TMED3: variants seen among roughly 807,000 people sequenced by gnomAD.
The protein encoded by TMED3 is transmembrane emp24 domain-containing protein 3.
In TMED3, 9 loss-of-function variants were observed where a neutral mutation model predicts 15.0. The ratio of observed to expected loss-of-function variants is 0.60; its 90% confidence interval spans 0.36 to 1.04. The LOEUF (loss-of-function observed/expected upper bound fraction) is 1.04. Among genes scored for constraint, TMED3 ranks in the 50% least tolerant of loss-of-function variants. The pLI, the probability that TMED3 is intolerant of heterozygous loss-of-function variation, is 0.01. For synonymous variants in TMED3, 117 were observed against 121.4 expected (o/e 0.96, Z 0.24); for missense variants, 267 against 278.9 (o/e 0.96, Z 0.30).
intron 2 of TMED3, among the ~76,000 whole-genome samples, chr15:79,393,730 A>C (rs889498200): frequency 6.6e-6 from 1 of 152,248 alleles, no homozygotes; most frequent in South Asian, 2.1e-4. Flanking sequence ...GGGTCTTACT[A>C]TGTTGCCCAG....
At chr15:79,412,981 G>A (rs1159099464) in exon 3 of TMED3, 2 of 152,060 alleles carry the variant, frequency 1.3e-5, no homozygotes, top group African/African-American at 4.8e-5. Flanking sequence ...AAATTTTCCA[G>A]AAATGAAGCC....
chr15:79,361,872 G>A (rs75830635), intron 2 of TMED3, among the ~76,000 whole-genome samples: 2 of 151,966 alleles, frequency 1.3e-5, no homozygotes, highest in African/African-American at 4.8e-5. Context: ...TAAAATAAAT[G>A]TAGAAAATTA....
intron 2 of TMED3, among the ~76,000 whole-genome samples, chr15:79,362,700 G>T (rs1893155398): frequency 6.6e-6 from 1 of 152,070 alleles, no homozygotes; most frequent in African/African-American, 2.4e-5. Context: ...CATGAGATCT[G>T]ATGGTTTTAT....
chr15:79,411,318 T>C (rs1193412708), intron 2 of TMED3: 4 of 675,362 alleles, frequency 5.9e-6, no homozygotes, highest in East Asian at 5.5e-5. Flanking sequence ...AACTAGAGAA[T>C]GCAAATGGAG....
intron 2 of TMED3, among the ~76,000 whole-genome samples, chr15:79,409,843 T>G (rs1267150582): frequency 1.3e-5 from 2 of 152,220 alleles, no homozygotes; most frequent in Non-Finnish European, 2.9e-5. Context: ...GCCATGTGAC[T>G]GTAGATTAAT....
intron 2 of TMED3, among the ~76,000 whole-genome samples, chr15:79,339,708 G>A (rs1458628786): frequency 6.6e-6 from 1 of 151,986 alleles, no homozygotes; most frequent in African/African-American, 2.4e-5. Flanking sequence ...GGTAGTAATG[G>A]TGGTGGCAAT....
At chr15:79,411,319 G>A (rs1335261013) in intron 2 of TMED3, 3 of 675,914 alleles carry the variant, frequency 4.4e-6, no homozygotes, top group Non-Finnish European at 8.1e-6. Flanking sequence ...ACTAGAGAAT[G>A]CAAATGGAGG....
chr15:79,385,694 C>T (rs539585164), intron 2 of TMED3, among the ~76,000 whole-genome samples: 1 of 152,288 alleles, frequency 6.6e-6, no homozygotes, highest in East Asian at 1.9e-4. Flanking sequence ...AGGCTCAGAT[C>T]CACAGCCACA....
intron 2 of TMED3, chr15:79,314,518 G>A (rs1351290187): frequency 2.2e-6 from 1 of 455,156 alleles, no homozygotes; most frequent in Admixed American, 2.3e-5. Flanking sequence ...ATTCTTTCTT[G>A]TCATCTTTCT....
intron 2 of TMED3, among the ~76,000 whole-genome samples, chr15:79,382,073 G>A (rs1320014721): frequency 1.3e-5 from 2 of 152,196 alleles, no homozygotes; most frequent in Non-Finnish European, 2.9e-5. Context: ...GATTTTTCTG[G>A]ACTTTGCAGG....
exon 3 of TMED3, chr15:79,413,503 C>T (rs1317516673): frequency 6.6e-6 from 1 of 152,352 alleles, no homozygotes; most frequent in African/African-American, 2.4e-5. Flanking sequence ...CTGAAATAAT[C>T]ACCTTCTTAA....
At chr15:79,320,687 C>T (rs2058762617) in intron 2 of TMED3, among the ~76,000 whole-genome samples, 1 of 152,168 alleles carries the variant, frequency 6.6e-6, no homozygotes, top group Non-Finnish European at 1.5e-5. Context: ...GAGGCTGCCT[C>T]TGAATAAGAA....
intron 2 of TMED3, among the ~76,000 whole-genome samples, chr15:79,336,416 G>C (rs1303876449): frequency 6.6e-6 from 1 of 152,188 alleles, no homozygotes; most frequent in Non-Finnish European, 1.5e-5. Context: ...CCAGCACTTT[G>C]GGAGGCCGAG....
chr15:79,337,150 A>T (rs1448295874), intron 2 of TMED3, among the ~76,000 whole-genome samples: 1 of 152,204 alleles, frequency 6.6e-6, no homozygotes, highest in Non-Finnish European at 1.5e-5. Context: ...TAGAACAGAA[A>T]TTAATTTTCT....
chr15:79,411,353 T>C (rs559405449), intron 2 of TMED3: 2 of 699,956 alleles, frequency 2.9e-6, no homozygotes, highest in Non-Finnish European at 2.6e-6. Flanking sequence ...CAGTTCATGG[T>C]TCCACATTTC....
rs761631758 is a variant in TMED3 at position 79,311,279 on chromosome 15, C to T, written c.30C>T (p.Ser10=). Residue 10 remains serine, a synonymous_variant, in exon 1 of 3, where the codon TCC becomes TCT. Coordinates refer to ENST00000299705, the MANE Select transcript of TMED3 (RefSeq NM_007364.4). ...GCAGCACTGTCCCGCGCTCCGCCTC[C>T]GTGCTGCTTCTGCTGCTGCTCCTGC... MGSTVPRSA[S]VLLLLLLLRR... is the part of the protein sequence containing the mutation. The T allele has an allele frequency of 8.7e-6, 14 of 1,605,838 alleles. No individual in the cohort carries two copies. The highest frequency in any genetic ancestry group is 5.6e-5 in the South Asian group (5 of 90,006).
At chr15:79,410,071 C>T (rs1052996229) in intron 2 of TMED3, among the ~76,000 whole-genome samples, 4 of 151,752 alleles carry the variant, frequency 2.6e-5, no homozygotes, top group Admixed American at 6.6e-5. Context: ...AATTTTACGC[C>T]GCACACATAT....
chr15:79,389,297 C>G (rs186373408), intron 2 of TMED3, among the ~76,000 whole-genome samples: 1 of 150,582 alleles, frequency 6.6e-6, no homozygotes, highest in East Asian at 2.0e-4. Context: ...CAGTTTCATT[C>G]TCCTACATGT....
At chr15:79,364,481 C>G (rs1893190627) in intron 2 of TMED3, among the ~76,000 whole-genome samples, 1 of 151,964 alleles carries the variant, frequency 6.6e-6, no homozygotes, top group African/African-American at 2.4e-5. Context: ...AGCAAAGGCC[C>G]CACCCCTCGA....
Sources: gnomAD v4.1 joint callset for allele counts (sites outside exome capture counted in the v4.1 genomes callset) on GRCh38, gnomAD v4.1.1 for gene constraint, MANE v1.5 for transcripts, NCBI Gene and HGNC (gene_info 2026-07-23, HGNC 2026-07-21) for gene names.